TRABD2B: variants seen among roughly 807,000 people sequenced by gnomAD.
TRABD2B encodes TraB domain containing 2B, also known as metalloprotease TIKI2.
TRABD2B carries 14 observed loss-of-function variants against 40.1 expected under a neutral mutation model. The ratio of observed to expected loss-of-function variants is 0.35; its 90% confidence interval spans 0.23 to 0.55. TRABD2B has a LOEUF of 0.55. Among genes scored for constraint, TRABD2B ranks in the 20% least tolerant of loss-of-function variants. TRABD2B has a pLI of 0.90. For missense variants in TRABD2B, 541 were observed against 648.6 expected (o/e 0.83, Z 1.80); for synonymous variants, 263 against 277.0 (o/e 0.95, Z 0.50).
intron 2 of TRABD2B, among the ~76,000 whole-genome samples, chr1:47,849,318 C>G (rs1252894281): frequency 3.3e-5 from 5 of 152,194 alleles, no homozygotes; most frequent in Admixed American, 1.3e-4. Flanking sequence ...ACTGGACAAT[C>G]ACGAGAAGAG....
At chr1:47,835,932 A>G (rs750161520) in intron 2 of TRABD2B, among the ~76,000 whole-genome samples, 16 of 152,210 alleles carry the variant, frequency 1.1e-4, no homozygotes, top group Non-Finnish European at 2.1e-4. Context: ...TTCATTTGTG[A>G]CTTTTTTCCA....
At chr1:47,832,050 G>A (rs1645256914) in intron 2 of TRABD2B, among the ~76,000 whole-genome samples, 1 of 152,260 alleles carries the variant, frequency 6.6e-6, no homozygotes, top group African/African-American at 2.4e-5. Context: ...AGAAGAGGTC[G>A]GGCTGGGCGC....
chr1:47,851,441 T>C (rs1285953478), intron 2 of TRABD2B, among the ~76,000 whole-genome samples: 1 of 152,058 alleles, frequency 6.6e-6, no homozygotes, highest in Non-Finnish European at 1.5e-5. Context: ...GGGTGGTGTG[T>C]GTAGTCACAG....
In TRABD2B at chr1:47,765,859, C is replaced by G. The variant is rs963694678; in HGVS notation, c.*43G>C. On this transcript the variant is annotated 3_prime_UTR_variant, in exon 7 of 7. Coordinates refer to ENST00000606738, the MANE Select transcript of TRABD2B (RefSeq NM_001194986.2). ...GGAGCAGTTGGGTGTGGCCGAAGAC[C>G]CCTGTGTCATTTCTCTGGCTTCTCC... 2.1e-5 allele frequency: 15 copies of G among 702,816 alleles called. No homozygotes were observed. The highest frequency in any genetic ancestry group is 5.2e-5 in the African/African-American group (3 of 57,338). 43.5% of individuals were successfully genotyped at this position (702,816 alleles called of 1,614,324 possible).
At chr1:47,838,719 T>C (rs1462514335) in intron 2 of TRABD2B, among the ~76,000 whole-genome samples, 2 of 152,210 alleles carry the variant, frequency 1.3e-5, no homozygotes, top group Non-Finnish European at 2.9e-5. Context: ...TATCGACTGA[T>C]GCAGTCACAT....
At chr1:47,938,954 AG>A (rs1645150135) in intron 2 of TRABD2B, among the ~76,000 whole-genome samples, 2 of 151,994 alleles carry the variant, frequency 1.3e-5, no homozygotes, top group South Asian at 2.1e-4. Context: ...ACAGAGACAG[AG>A]ACAGAGAGGG....
chr1:47,837,645 G>A (rs776972090), intron 2 of TRABD2B, among the ~76,000 whole-genome samples: 2 of 152,248 alleles, frequency 1.3e-5, no homozygotes, highest in South Asian at 4.2e-4. Flanking sequence ...GAGACGAACC[G>A]GGCTTCTGAA....
chr1:47,807,624 T>TTG (rs1000621836), intron 2 of TRABD2B, among the ~76,000 whole-genome samples: 33 of 151,140 alleles, frequency 2.2e-4, no homozygotes, highest in Admixed American at 1.1e-3. Flanking sequence ...TTATTCATAT[T>TTG]TGTGTGTGTG....
intron 2 of TRABD2B, among the ~76,000 whole-genome samples, chr1:47,843,734 C>G (rs899820474): frequency 6.6e-6 from 1 of 152,172 alleles, no homozygotes; most frequent in Non-Finnish European, 1.5e-5. Flanking sequence ...AGGGGTGGCC[C>G]GAAATTCAAG....
intron 2 of TRABD2B, among the ~76,000 whole-genome samples, chr1:47,959,913 AAG>A (rs2148402227): frequency 6.6e-6 from 1 of 152,310 alleles, no homozygotes; most frequent in East Asian, 1.9e-4. Flanking sequence ...CACACAAAAA[AAG>A]AGAATTTTAG....
chr1:47,837,411 T>G (rs1444952342), intron 2 of TRABD2B, among the ~76,000 whole-genome samples: 1 of 152,138 alleles, frequency 6.6e-6, no homozygotes, highest in Non-Finnish European at 1.5e-5. Flanking sequence ...TCACACTCCC[T>G]CTACCCAATG....
chr1:47,775,839 G>A (rs1644438493), intron 5 of TRABD2B, among the ~76,000 whole-genome samples: 1 of 152,240 alleles, frequency 6.6e-6, no homozygotes, highest in African/African-American at 2.4e-5. Flanking sequence ...TGAGAGTGGG[G>A]GTGAAGGGTG....
intron 2 of TRABD2B, among the ~76,000 whole-genome samples, chr1:47,863,682 A>C (rs2124563872): frequency 6.6e-6 from 1 of 152,248 alleles, no homozygotes; most frequent in African/African-American, 2.4e-5. Flanking sequence ...CCACTTTGGA[A>C]GATGGTTAGG....
chr1:47,969,891 C>T (rs1401507435), intron 2 of TRABD2B, among the ~76,000 whole-genome samples: 2 of 152,118 alleles, frequency 1.3e-5, no homozygotes, highest in Admixed American at 6.5e-5. Flanking sequence ...TGCCCTCCCT[C>T]GAAGCTGCCC....
At chr1:47,917,745 GA>G (rs968794601) in intron 2 of TRABD2B, among the ~76,000 whole-genome samples, 19 of 146,156 alleles carry the variant, frequency 1.3e-4, no homozygotes, top group East Asian at 5.9e-4. Context: ...AAAAAGAAAA[GA>G]AAAAAAAAAG....
intron 2 of TRABD2B, among the ~76,000 whole-genome samples, chr1:47,802,339 C>T (rs1243519708): frequency 6.6e-6 from 1 of 152,266 alleles, no homozygotes; most frequent in African/African-American, 2.4e-5. Flanking sequence ...GCAGTCTGAC[C>T]GTCTCTGGCA....
chr1:47,939,303 G>A (rs1645155325), intron 2 of TRABD2B, among the ~76,000 whole-genome samples: 2 of 152,142 alleles, frequency 1.3e-5, no homozygotes, highest in African/African-American at 2.4e-5. Flanking sequence ...CATTCAATGA[G>A]CAGGCTGGTG....
At chr1:47,886,510 A>C (rs2124638396) in intron 2 of TRABD2B, among the ~76,000 whole-genome samples, 1 of 152,206 alleles carries the variant, frequency 6.6e-6, no homozygotes, top group Admixed American at 6.5e-5. Context: ...AGAAGTTCAA[A>C]AGTTATCTGA....
At chr1:47,785,173 G>A (rs1019289505) in intron 4 of TRABD2B, among the ~76,000 whole-genome samples, 1 of 152,206 alleles carries the variant, frequency 6.6e-6, no homozygotes, top group African/African-American at 2.4e-5. Flanking sequence ...AGTGAGGGTT[G>A]GAACACGAGG....
Sources: gnomAD v4.1 joint callset for allele counts (sites outside exome capture counted in the v4.1 genomes callset) on GRCh38, gnomAD v4.1.1 for gene constraint, MANE v1.5 for transcripts, NCBI Gene and HGNC (gene_info 2026-07-23, HGNC 2026-07-21) for gene names.